The following PRKCH variants were observed in gnomAD, a reference collection of about 807,000 sequenced individuals.
PRKCH encodes protein kinase C eta type.
Under a neutral mutation model 82.5 loss-of-function variants are expected in PRKCH, and 28 were observed. The ratio of observed to expected loss-of-function variants is 0.34; its 90% CI spans 0.25 to 0.47. The LOEUF is 0.47. Ranked by LOEUF, PRKCH falls within the 20% of genes least tolerant of loss-of-function variation. The pLI, the probability that PRKCH is intolerant of heterozygous loss-of-function variation, is 1.00. For synonymous variants in PRKCH, 322 were observed against 327.4 expected (o/e 0.98, Z 0.18); for missense variants, 705 against 881.8 (o/e 0.80, Z 2.54).
Position 61,321,862 on chromosome 14 carries a change from C to T in PRKCH, c.-240C>T. 3 of 432,196 alleles carry T rather than the reference C, an allele frequency of 6.9e-6. No individual in the cohort carries two copies. The highest frequency in any genetic ancestry group is 7.6e-5 in the Admixed American group (2 of 26,188). 26.8% of individuals were successfully genotyped at this position (432,196 alleles called of 1,614,324 possible). ...CTTGGAAGGGACGGTCGGGCTTCCC[C>T]GGCCCGCTGAGGGCTCGGCGGCGGG... is the stretch of plus-strand genomic sequence containing the variant. On this transcript the variant is annotated 5_prime_UTR_variant, in exon 1 of 14. Transcript: ENST00000332981. The surrounding 1 kb of genome is among the most constrained non-coding windows in gnomAD (Gnocchi z 4.1).
intron 10 of PRKCH, 78 bp downstream of exon 10, chr14:61,485,734 A>C: frequency 6.8e-7 from 1 of 1,481,002 alleles, no homozygotes. Flanking sequence ...TCCACTTCTC[A>C]TGATAATCAG....
chr14:61,294,402 G>A (rs1321736739), intron 1 of PRKCH, among the ~76,000 whole-genome samples: 2 of 152,110 alleles, frequency 1.3e-5, no homozygotes, highest in African/African-American at 4.8e-5. Flanking sequence ...TTACAGGCGT[G>A]AGCCTCCATG....
chr14:61,354,455 C>T (rs889322631), intron 1 of PRKCH, among the ~76,000 whole-genome samples: 1 of 150,016 alleles, frequency 6.7e-6, no homozygotes, highest in Admixed American at 6.7e-5. Context: ...ATAACACTTC[C>T]GTACCTATAG....
intron 1 of PRKCH, among the ~76,000 whole-genome samples, chr14:61,219,458 G>C (rs979578289): frequency 1.3e-5 from 2 of 152,170 alleles, no homozygotes; most frequent in Non-Finnish European, 2.9e-5. Flanking sequence ...AGTCATCTCT[G>C]TTTCTGTTGG....
At chr14:61,299,117 G>C (rs1472435106) in intron 1 of PRKCH, among the ~76,000 whole-genome samples, 1 of 152,146 alleles carries the variant, frequency 6.6e-6, no homozygotes, top group Non-Finnish European at 1.5e-5. Context: ...GGGTAAAGGA[G>C]AATAACTTCA....
At chr14:61,422,085 T>C (rs1023450946) in intron 2 of PRKCH, among the ~76,000 whole-genome samples, 1 of 152,122 alleles carries the variant, frequency 6.6e-6, no homozygotes, top group African/African-American at 2.4e-5. Flanking sequence ...TTCAATGTTT[T>C]TGTTTTTTGT....
chr14:61,347,213 A>G (rs1030879643), intron 1 of PRKCH, among the ~76,000 whole-genome samples: 6 of 152,232 alleles, frequency 3.9e-5, no homozygotes, highest in African/African-American at 1.4e-4. Context: ...AAGCTAAAGG[A>G]GGGAATATTG....
chr14:61,440,223 A>G (rs1252151122), intron 2 of PRKCH, among the ~76,000 whole-genome samples: 1 of 152,204 alleles, frequency 6.6e-6, no homozygotes, highest in Non-Finnish European at 1.5e-5. Flanking sequence ...TGACTTCTAG[A>G]AGTATCATGA....
At chr14:61,279,448 AATTTGAGGGAAT>A in intron 1 of PRKCH, 1 of 152,314 alleles carries the variant, frequency 6.6e-6, no homozygotes, top group African/African-American at 2.4e-5. Flanking sequence ...GTGATTCCCA[AATTTGAGGGAAT>A]ATGGGACTCT....
chr14:61,400,352 A>G (rs1881543666), intron 2 of PRKCH, among the ~76,000 whole-genome samples: 1 of 152,210 alleles, frequency 6.6e-6, no homozygotes, highest in East Asian at 1.9e-4. Context: ...CAAGTTGTTG[A>G]TTTAATTTTT....
chr14:61,263,999 T>C (rs988847092), intron 1 of PRKCH, among the ~76,000 whole-genome samples: 2 of 152,102 alleles, frequency 1.3e-5, no homozygotes, highest in African/African-American at 4.8e-5. Context: ...TACATGGGCA[T>C]TGTTTAACTG....
chr14:61,281,063 G>C (rs1594889273), intron 1 of PRKCH: 2 of 1,520,514 alleles, frequency 1.3e-6, no homozygotes, highest in African/African-American at 2.9e-5. Flanking sequence ...GCCGACAGCA[G>C]CGGCTGCCAG....
At chr14:61,546,323 T>A (rs1180127974) in intron 12 of PRKCH, among the ~76,000 whole-genome samples, 1 of 152,212 alleles carries the variant, frequency 6.6e-6, no homozygotes, top group Non-Finnish European at 1.5e-5. Context: ...CAGCTCTGAA[T>A]GCTGCATTTA....
intron 3 of PRKCH, 44 bp downstream of exon 3, chr14:61,443,305 A>G (rs773509117): frequency 6.4e-5 from 100 of 1,574,166 alleles, no homozygotes; most frequent in Non-Finnish European, 8.1e-5. Context: ...GCTTCCATCT[A>G]ATAGGCTTCC....
intron 1 of PRKCH, among the ~76,000 whole-genome samples, chr14:61,226,521 G>C (rs1350711283): frequency 6.6e-6 from 1 of 152,172 alleles, no homozygotes; most frequent in African/African-American, 2.4e-5. Flanking sequence ...GCTTATACCA[G>C]GCGAGGGTGA....
intron 1 of PRKCH, among the ~76,000 whole-genome samples, chr14:61,272,654 C>G (rs2045168334): frequency 6.6e-6 from 1 of 152,076 alleles, no homozygotes; most frequent in African/African-American, 2.4e-5. Context: ...CCACGCCTGG[C>G]CCATAGATTT....
Position 61,455,420 on chromosome 14 carries a change from A to G in PRKCH, c.961-1756A>G, listed in dbSNP as rs572799761. ...TCATACTAAATCAGCAATGACTGTT[A>G]CATGTGATTTAGATGAATGGGTTTC... On this transcript the variant is annotated intron_variant, in intron 7 of 13. Coordinates refer to ENST00000332981, the MANE Select transcript of PRKCH (RefSeq NM_006255.5). Among the ~76,000 whole-genome samples, 5 of 152,354 alleles carry G rather than the reference A, an allele frequency of 3.3e-5. No individual in the cohort carries two copies. In the South Asian group the frequency reaches 1.0e-3, roughly 32 times the overall value.
chr14:61,245,541 G>A (rs1167121656), intron 1 of PRKCH, among the ~76,000 whole-genome samples: 1 of 152,222 alleles, frequency 6.6e-6, no homozygotes, highest in Non-Finnish European at 1.5e-5. Context: ...ACAGAGGAGC[G>A]CCCAAGGACT....
intron 9 of PRKCH, chr14:61,476,267 G>GATTATAACA: frequency 6.6e-6 from 1 of 152,106 alleles, no homozygotes; most frequent in African/African-American, 2.4e-5. Flanking sequence ...CTCACAATTG[G>GATTATAACA]CCAGGCACTG....
Sources: allele counts gnomAD v4.1 joint callset (sites outside exome capture counted in the v4.1 genomes callset), GRCh38; gene constraint gnomAD v4.1.1; non-coding constraint Gnocchi (gnomAD v3.1); transcripts MANE v1.5; gene names NCBI Gene and HGNC (gene_info 2026-07-23, HGNC 2026-07-21).